Variants in GCSAM observed in about 807,000 individuals in gnomAD.
GCSAM encodes the protein germinal center-associated signaling and motility protein.
GCSAM carries 8 observed loss-of-function variants against 17.6 expected under a neutral mutation model. The observed-to-expected ratio is 0.46, with a 90% CI of 0.27 to 0.82. GCSAM has a LOEUF of 0.82. Among genes scored for constraint, GCSAM ranks in the 40% least tolerant of loss-of-function variants. The probability of loss-of-function intolerance (pLI) is 0.15; values close to 1 mark genes in which losing one functional copy is unlikely to be tolerated. For missense variants in GCSAM, 192 were observed against 213.5 expected (o/e 0.90, Z 0.63); for synonymous variants, 68 against 69.0 (o/e 0.98, Z 0.07).
intron 3 of GCSAM, among the ~76,000 whole-genome samples, chr3:112,127,307 A>G (rs1228577714): frequency 2.6e-5 from 4 of 152,190 alleles, no homozygotes; most frequent in Non-Finnish European, 5.9e-5. Context: ...ATGGTGATAG[A>G]GGTTACTTTT....
rs750955534 is a variant in GCSAM at position 112,130,536 on chromosome 3, C to T, written c.30-23G>A. On this transcript the variant is annotated intron_variant, in intron 1 of 5. Transcript: ENST00000308910. ...CGCCTGAAACTCAACATATCAGAAA[C>T]AGGCTAAGTATTTCCTAAACAGGCC... 2.0e-5 allele frequency: 32 copies of T among 1,607,584 alleles called. No homozygotes were observed. In the East Asian group the frequency reaches 6.0e-4, roughly 30 times the overall value.
At chr3:112,132,063 A>G (rs1375280751) in intron 1 of GCSAM, among the ~76,000 whole-genome samples, 1 of 152,222 alleles carries the variant, frequency 6.6e-6, no homozygotes, top group African/African-American at 2.4e-5. Context: ...CAATCACTAC[A>G]TTTGAGCATC....
At chr3:112,128,417 T>C in intron 2 of GCSAM, 1 of 397,560 alleles carries the variant, frequency 2.5e-6, no homozygotes, top group South Asian at 2.1e-5. Context: ...CAAATCATTT[T>C]TTTCAGGTAT....
chr3:112,124,884 C>T (rs1202438199), intron 5 of GCSAM, among the ~76,000 whole-genome samples: 1 of 152,150 alleles, frequency 6.6e-6, no homozygotes, highest in Non-Finnish European at 1.5e-5. Flanking sequence ...TCTCAGTTTT[C>T]TCATCTATAA....
At position 112,123,119 on chromosome 3, in the gene GCSAM, A is replaced by G. The variant is rs1367320501; in HGVS notation, c.*336T>C. 2.1e-5 allele frequency: 6 copies of G among 291,862 alleles called. No homozygotes were observed. The highest frequency in any genetic ancestry group is 3.9e-5 in the Non-Finnish European group (6 of 154,824). 18.1% of individuals were successfully genotyped at this position (291,862 alleles called of 1,614,324 possible). ...TAGAGAATGATCATGGGAACACTTT[A>G]TAAGAAGATCCCAGACAGAAGAGCA... On this transcript the variant is annotated 3_prime_UTR_variant, in exon 6 of 6. Coordinates refer to ENST00000308910, the MANE Select transcript of GCSAM (RefSeq NM_152785.5).
chr3:112,123,470 CTG>C lies in GCSAM; in HGVS notation c.520_521del (p.Gln174ValfsTer11). On this transcript the variant is annotated frameshift_variant, in exon 6 of 6. Transcript: ENST00000308910. LOFTEE classifies it high-confidence loss of function. The stretch of plus-strand genomic sequence containing the variant: ...AGCCACTTCACTATAAATGGGAAAA[CTG>C]AGTCTCAGAAGGGGCCATAAGTGGA... Reference protein sequence around the residue: ...PRPLMAPSETQFSHL With the variant: ...PRPLMAPSETXFSHL The C allele has an allele frequency of 6.2e-7, 1 of 1,613,946 alleles. No homozygotes were observed. Among genetic ancestry groups the C allele is most frequent in the Non-Finnish European group, 8.5e-7 (1 of 1,179,888 alleles).
At chr3:112,125,287 G>A in intron 4 of GCSAM, 33 bp from the exon 5 acceptor site, 5 of 1,495,794 alleles carry the variant, frequency 3.3e-6, no homozygotes, top group Non-Finnish European at 4.7e-6. Context: ...ATGAATTTCA[G>A]GTTATGGGGA....
chr3:112,130,816 G>A (rs1046884117), intron 1 of GCSAM: 9 of 398,638 alleles, frequency 2.3e-5, no homozygotes, highest in East Asian at 1.1e-4. Flanking sequence ...GAGAGTATCC[G>A]TGTCCAGAGA....
chr3:112,126,648 G>T (rs182293701), intron 4 of GCSAM, among the ~76,000 whole-genome samples: 1 of 152,244 alleles, frequency 6.6e-6, no homozygotes, highest in Non-Finnish European at 1.5e-5. Flanking sequence ...CTTTAACTTG[G>T]CCAGGAGGCC....
At chr3:112,126,936 G>A (rs767077406) in intron 4 of GCSAM, 51 bp downstream of exon 4, 2 of 1,196,092 alleles carry the variant, frequency 1.7e-6, no homozygotes, top group South Asian at 2.5e-5. Flanking sequence ...GAAGTAGTTT[G>A]GAAATGTAAG....
rs1369503737 is a variant in GCSAM, at chr3:112,122,427, C to G, written c.*1028G>C. ...CCTGGGGGTTATAGTTTGCTGATCC[C>G]TGGTTTAGAGGATAGATATAATTTG... On this transcript the variant is annotated 3_prime_UTR_variant, in exon 6 of 6. Coordinates refer to ENST00000308910, the MANE Select transcript of GCSAM (RefSeq NM_152785.5). 2 of 151,978 alleles carry G rather than the reference C, an allele frequency of 1.3e-5. No individual in the cohort carries two copies. Among genetic ancestry groups the G allele is most frequent in the African/African-American group, 4.8e-5 (2 of 41,346 alleles). 9.4% of individuals were successfully genotyped at this position (151,978 alleles called of 1,614,324 possible).
intron 1 of GCSAM, chr3:112,132,574 G>A (rs2074483074): frequency 1.3e-6 from 1 of 754,334 alleles, no homozygotes; most frequent in Non-Finnish European, 1.6e-6. Context: ...AAAATAAAGA[G>A]GCTGAGGTCC....
chr3:112,126,366 T>G (rs757737172), intron 4 of GCSAM, among the ~76,000 whole-genome samples: 20 of 152,168 alleles, frequency 1.3e-4, no homozygotes, highest in Non-Finnish European at 2.5e-4. Flanking sequence ...GGCCTACACT[T>G]TCTTATTTTT....
At chr3:112,128,382 AAGGTAC>A (rs2074378218) in intron 2 of GCSAM, 1 of 478,968 alleles carries the variant, frequency 2.1e-6, no homozygotes, top group Admixed American at 3.2e-5. Context: ...CCAGGAAATC[AAGGTAC>A]AAGTGTATGG....
intron 5 of GCSAM, among the ~76,000 whole-genome samples, chr3:112,124,857 G>A (rs2074277182): frequency 6.6e-6 from 1 of 152,114 alleles, no homozygotes; most frequent in Non-Finnish European, 1.5e-5. Flanking sequence ...TTGGCTTTGG[G>A]GAATTGTCAC....
Position 112,122,575 on chromosome 3 carries a change from CATT to C in GCSAM, c.*877_*879del, listed in dbSNP as rs1271129548. ...CATTTTATTCATATTTTATACATGA[CATT>C]ATTAAATATATACATTTAGTATACA... is the stretch of plus-strand genomic sequence containing the variant. On this transcript the variant is annotated 3_prime_UTR_variant, in exon 6 of 6. Transcript: ENST00000308910. 2 of 152,106 alleles carry C rather than the reference CATT, an allele frequency of 1.3e-5. No individual in the cohort carries two copies. The highest frequency in any genetic ancestry group is 2.9e-5 in the Non-Finnish European group (2 of 68,016). 9.4% of individuals were successfully genotyped at this position (152,106 alleles called of 1,614,324 possible). A position where few individuals can be genotyped will look rare whatever the true frequency, so the allele number is the denominator to read the frequency against.
intron 1 of GCSAM, 82 bp from the exon 2 acceptor site, chr3:112,130,595 T>C: frequency 8.4e-7 from 1 of 1,195,882 alleles, no homozygotes; most frequent in Non-Finnish European, 1.2e-6. Context: ...CCGACTTTCC[T>C]CATTTCTGCT....
At chr3:112,132,989 C>T in intron 1 of GCSAM, 103 bp downstream of exon 1, 1 of 1,178,766 alleles carries the variant, frequency 8.5e-7, no homozygotes, top group Non-Finnish European at 1.2e-6. Flanking sequence ...CTACTTTCTA[C>T]CCCAACTTAG....
At position 112,127,921 on chromosome 3, in the gene GCSAM, C is replaced by T. The variant is rs541086212; in HGVS notation, c.143+96G>A. 72 of 979,358 alleles carry T rather than the reference C, an allele frequency of 7.4e-5. No homozygotes were observed. The African/African-American group carries it at 9.5e-4, about 13-fold the overall frequency. 60.7% of individuals were successfully genotyped at this position (979,358 alleles called of 1,614,324 possible). On this transcript the variant is annotated intron_variant, in intron 3 of 5. Coordinates refer to ENST00000308910, the MANE Select transcript of GCSAM (RefSeq NM_152785.5). Reference sequence around the variant, plus strand: ...TTGTATCTGGGCTACTGACAGGCTTCCACTGTGGCCACAGACAGTCACAGG... The same window carrying T: ...TTGTATCTGGGCTACTGACAGGCTTTCACTGTGGCCACAGACAGTCACAGG...
Sources: gnomAD v4.1 joint callset for allele counts (sites outside exome capture counted in the v4.1 genomes callset) on GRCh38, gnomAD v4.1.1 for gene constraint, MANE v1.5 for transcripts, NCBI Gene and HGNC (gene_info 2026-07-23, HGNC 2026-07-21) for gene names.